CDK8: variants seen among roughly 807,000 people sequenced by gnomAD.
The protein encoded by CDK8 is cyclin-dependent kinase 8.
In CDK8, 29 loss-of-function variants were observed where a neutral mutation model predicts 71.5. The observed-to-expected ratio is 0.41, with a 90% CI of 0.30 to 0.55. CDK8 has a LOEUF of 0.55. CDK8 is among the 20% of genes least tolerant of loss of function. The pLI, the probability that CDK8 is intolerant of heterozygous loss-of-function variation, is 0.37. For synonymous variants in CDK8, 161 were observed against 192.1 expected (o/e 0.84, Z 1.34); for missense variants, 288 against 572.6 (o/e 0.50, Z 5.07).
intron 4 of CDK8, among the ~76,000 whole-genome samples, chr13:26,380,800 A>G (rs776513515): frequency 6.6e-6 from 1 of 152,214 alleles, no homozygotes; most frequent in Non-Finnish European, 1.5e-5. Flanking sequence ...TTTTGATAAT[A>G]GTCATAAAAC....
At chr13:26,394,139 G>A (rs1025305116) in intron 7 of CDK8, among the ~76,000 whole-genome samples, 4 of 152,036 alleles carry the variant, frequency 2.6e-5, no homozygotes, top group South Asian at 2.1e-4. Flanking sequence ...ATTACAGAAC[G>A]GTAATCACCA....
intron 1 of CDK8, among the ~76,000 whole-genome samples, chr13:26,308,657 C>A (rs1004325281): frequency 6.6e-6 from 1 of 152,268 alleles, no homozygotes; most frequent in Admixed American, 6.5e-5. Flanking sequence ...ACAAGTTTAA[C>A]AACTGAAGTT....
chr13:26,279,563 A>T (rs676150), intron 1 of CDK8, among the ~76,000 whole-genome samples: 38,476 of 151,992 alleles, frequency 0.25, 5,600 homozygotes, highest in East Asian at 0.44. Flanking sequence ...TGCTGTTTTA[A>T]ATGACCACTG....
chr13:26,323,755 G>A (rs1051895517), intron 1 of CDK8, among the ~76,000 whole-genome samples: 5 of 151,962 alleles, frequency 3.3e-5, no homozygotes, highest in South Asian at 2.1e-4. Flanking sequence ...TTCTACTCAC[G>A]TATATGCACG....
chr13:26,387,565 G>A (rs1875538381), intron 6 of CDK8, among the ~76,000 whole-genome samples: 1 of 152,180 alleles, frequency 6.6e-6, no homozygotes, highest in African/African-American at 2.4e-5. Context: ...CAGCCCCAGG[G>A]TGATGATAGA....
chr13:26,278,084 G>C (rs907899044), intron 1 of CDK8, among the ~76,000 whole-genome samples: 1 of 152,174 alleles, frequency 6.6e-6, no homozygotes, highest in East Asian at 1.9e-4. Context: ...GTTTCAACAT[G>C]TCCTAAATGA....
intron 1 of CDK8, among the ~76,000 whole-genome samples, chr13:26,318,495 A>G (rs1056063163): frequency 6.6e-6 from 1 of 152,140 alleles, no homozygotes; most frequent in Non-Finnish European, 1.5e-5. Flanking sequence ...AAAACTACAG[A>G]CCAATATCTC....
intron 1 of CDK8, among the ~76,000 whole-genome samples, chr13:26,302,826 A>C (rs1465290195): frequency 6.6e-6 from 1 of 152,182 alleles, no homozygotes; most frequent in Non-Finnish European, 1.5e-5. Flanking sequence ...TGGGTACTTT[A>C]AATTGCATAG....
At chr13:26,329,829 C>G (rs1208413536) in intron 1 of CDK8, among the ~76,000 whole-genome samples, 1 of 152,032 alleles carries the variant, frequency 6.6e-6, no homozygotes, top group East Asian at 1.9e-4. Flanking sequence ...CTCATCTGTC[C>G]TCAGGGCTGT....
chr13:26,368,432 A>G (rs1314786057), intron 4 of CDK8, among the ~76,000 whole-genome samples: 1 of 152,234 alleles, frequency 6.6e-6, no homozygotes, highest in Non-Finnish European at 1.5e-5. Context: ...AACACATTGT[A>G]CAGTATAATG....
intron 1 of CDK8, among the ~76,000 whole-genome samples, chr13:26,304,448 G>A (rs1395917471): frequency 1.3e-5 from 2 of 150,914 alleles, no homozygotes; most frequent in Non-Finnish European, 2.9e-5. Context: ...TTATATTATT[G>A]TGTATTATTC....
At position 26,338,712 on chromosome 13, in the gene CDK8, TG is replaced by T. The variant is rs1269225982; in HGVS notation, c.204+1071del. Reference sequence around the variant, plus strand: ...TCAATCTTGAGACCAGGTGTCTGTATGTTAACTGTCAGTTATTCAACATCTA... The same window carrying T: ...TCAATCTTGAGACCAGGTGTCTGTATTTAACTGTCAGTTATTCAACATCTA... On this transcript the variant is annotated intron_variant, in intron 2 of 12. Transcript: ENST00000381527. Among the ~76,000 whole-genome samples, 4 of 152,276 alleles carry T rather than the reference TG, an allele frequency of 2.6e-5. No individual in the cohort carries two copies. The East Asian group carries it at 7.7e-4, about 29-fold the overall frequency.
chr13:26,334,394 C>G (rs532814535), intron 1 of CDK8, among the ~76,000 whole-genome samples: 3 of 152,068 alleles, frequency 2.0e-5, no homozygotes, highest in African/African-American at 4.8e-5. Flanking sequence ...AATCAATAAC[C>G]CTGCCCATGA....
chr13:26,285,796 G>T (rs560629855), intron 1 of CDK8, among the ~76,000 whole-genome samples: 53 of 152,116 alleles, frequency 3.5e-4, no homozygotes, highest in Non-Finnish European at 6.2e-4. Flanking sequence ...AAAGTTTCAG[G>T]ATACAAAATC....
chr13:26,275,958 G>A (rs1480647183), intron 1 of CDK8, among the ~76,000 whole-genome samples: 2 of 152,094 alleles, frequency 1.3e-5, no homozygotes, highest in Non-Finnish European at 2.9e-5. Context: ...TGCCTCCCAG[G>A]TTCAAGCAAT....
chr13:26,354,669 G>A (rs546424538), intron 4 of CDK8, among the ~76,000 whole-genome samples: 2 of 152,228 alleles, frequency 1.3e-5, no homozygotes, highest in East Asian at 1.9e-4. Context: ...TAGATTGCAC[G>A]CTCCTTATGA....
intron 8 of CDK8, 38 bp downstream of exon 8, chr13:26,396,392 CT>C: frequency 9.9e-7 from 1 of 1,006,206 alleles, no homozygotes; most frequent in South Asian, 1.6e-5. Context: ...TTGATTTTTG[CT>C]TTACCAGAAT....
intron 1 of CDK8, among the ~76,000 whole-genome samples, chr13:26,276,934 T>A (rs1009467745): frequency 6.6e-6 from 1 of 152,200 alleles, no homozygotes; most frequent in Non-Finnish European, 1.5e-5. Flanking sequence ...TCCATCCACA[T>A]TCTCAGAAGG....
chr13:26,389,454 C>A (rs766109553), intron 6 of CDK8, among the ~76,000 whole-genome samples: 2 of 151,990 alleles, frequency 1.3e-5, no homozygotes, highest in Non-Finnish European at 2.9e-5. Flanking sequence ...GCCACGACAC[C>A]CAGCCAAAAA....
Sources: gnomAD v4.1 joint callset for allele counts (sites outside exome capture counted in the v4.1 genomes callset) on GRCh38, gnomAD v4.1.1 for gene constraint, MANE v1.5 for transcripts, NCBI Gene and HGNC (gene_info 2026-07-23, HGNC 2026-07-21) for gene names.